Variants in SMTNL2 observed in about 807,000 individuals in gnomAD.
The protein encoded by SMTNL2 is smoothelin-like protein 2.
Under a neutral mutation model 44.1 loss-of-function variants are expected in SMTNL2, and 43 were observed. That is an observed-to-expected ratio of 0.98 (90% CI 0.76 to 1.26). SMTNL2 has a LOEUF of 1.26. Among genes scored for constraint, SMTNL2 ranks in the 50% most tolerant of loss-of-function variants. SMTNL2 has a pLI of 0.00. For synonymous variants in SMTNL2, 317 were observed against 287.6 expected (o/e 1.10, Z -1.03); for missense variants, 646 against 670.2 (o/e 0.96, Z 0.40).
chr17:4,607,726 TGAGA>T lies in SMTNL2; in HGVS notation c.*250_*253del, dbSNP rs60381343. 5 of 492,200 alleles carry T rather than the reference TGAGA, an allele frequency of 1.0e-5. No individual in the cohort carries two copies. Among genetic ancestry groups the T allele is most frequent in the African/African-American group, 3.9e-5 (2 of 51,210 alleles). 30.5% of individuals were successfully genotyped at this position (492,200 alleles called of 1,614,324 possible). A position where few individuals can be genotyped will look rare whatever the true frequency, so the allele number is the denominator to read the frequency against. Reference sequence around the variant, plus strand: ...GGGCTTGGAGGAAAAGGAAAAATTATGAGAGAGAGAGAGACATTGGTGCTAAGTA... The same window carrying T: ...GGGCTTGGAGGAAAAGGAAAAATTATGAGAGAGAGACATTGGTGCTAAGTA... On this transcript the variant is annotated 3_prime_UTR_variant, in exon 8 of 8. Transcript: ENST00000389313. This position sits in a 1 kb window ranked among gnomAD's most constrained non-coding sequence, Gnocchi z 4.7.
At position 4,591,878 on chromosome 17, in the gene SMTNL2, C is replaced by T. The variant is rs548602780; in HGVS notation, c.400-483C>T. Among the ~76,000 whole-genome samples, 6 of 152,334 alleles carry T rather than the reference C, an allele frequency of 3.9e-5. No individual in the cohort carries two copies. The South Asian group carries it at 8.3e-4, about 21-fold the overall frequency. On this transcript the variant is annotated intron_variant, in intron 1 of 7. Transcript: ENST00000389313. ...CATAGCCGGGTAAATCTTGTGTCCC[C>T]GCCTCCCATGCAAAGATCTCATCGT...
chr17:4,585,363 G>T (rs1909305387), intron 1 of SMTNL2, among the ~76,000 whole-genome samples: 1 of 152,240 alleles, frequency 6.6e-6, no homozygotes, highest in Non-Finnish European at 1.5e-5. Context: ...ATGTTGGAAT[G>T]GTCGACACCC....
intron 7 of SMTNL2, among the ~76,000 whole-genome samples, chr17:4,604,683 T>C (rs1407665657): frequency 6.6e-6 from 1 of 151,932 alleles, no homozygotes; most frequent in East Asian, 1.9e-4. Context: ...ATTTTTTTCT[T>C]TTTTTTTGAG....
chr17:4,589,679 A>G (rs1258247012), intron 1 of SMTNL2, among the ~76,000 whole-genome samples: 1 of 151,802 alleles, frequency 6.6e-6, no homozygotes. Context: ...TTCTCACCCT[A>G]TGAATGTGGT....
At position 4,584,884 on chromosome 17, in the gene SMTNL2, G is replaced by A; in HGVS notation, c.279G>A (p.Val93=). 2.3e-6 allele frequency: 3 copies of A among 1,303,816 alleles called. No homozygotes were observed. Among genetic ancestry groups the A allele is most frequent in the Admixed American group, 4.0e-5 (1 of 24,832 alleles). 80.8% of individuals were successfully genotyped at this position (1,303,816 alleles called of 1,614,324 possible). Residue 93 remains valine (V), a synonymous_variant, in exon 1 of 8, where the codon GTG becomes GTA. Transcript: ENST00000389313. The stretch of plus-strand genomic sequence containing the variant: ...GCTTGGCCAGCGGGATGTCCCCGGT[G>A]CCCGGCACTCCCGGCACGCCCAGCC... The part of the protein sequence containing the change: ...ALGLASGMSP[V]PGTPGTPSPP...
chr17:4,589,830 A>G (rs1301058806), intron 1 of SMTNL2, among the ~76,000 whole-genome samples: 1 of 76,332 alleles, frequency 1.3e-5, no homozygotes, highest in Non-Finnish European at 2.5e-5. Context: ...CCCCCGCCCC[A>G]CGCTTCTGAT....
chr17:4,597,920 C>T (rs923130867), intron 7 of SMTNL2, among the ~76,000 whole-genome samples: 1 of 152,118 alleles, frequency 6.6e-6, no homozygotes, highest in African/African-American at 2.4e-5. Flanking sequence ...GGTTTTTGGC[C>T]GAGGGCCTCA....
At chr17:4,601,708 C>T (rs543760624) in intron 7 of SMTNL2, among the ~76,000 whole-genome samples, 11 of 150,754 alleles carry the variant, frequency 7.3e-5, no homozygotes, top group South Asian at 4.2e-4. Flanking sequence ...TTTTTAGAGA[C>T]GGGGTCTAAC....
intron 5 of SMTNL2, among the ~76,000 whole-genome samples, chr17:4,596,116 G>T (rs1909799911): frequency 3.0e-5 from 4 of 132,178 alleles, no homozygotes; most frequent in Admixed American, 1.5e-4. Flanking sequence ...CCCAAGCGTG[G>T]TATTGATGTC....
chr17:4,595,309 A>G lies in SMTNL2; in HGVS notation c.971A>G (p.Gln324Arg). The G allele has an allele frequency of 6.2e-7, 1 of 1,612,692 alleles. No homozygotes were observed. Among genetic ancestry groups the G allele is most frequent in the Non-Finnish European group, 8.5e-7 (1 of 1,179,470 alleles). The change falls in exon 5 of 8, where the codon CAG (glutamine) becomes CGG (arginine). Residue 324 changes from glutamine to arginine, a missense_variant. Physicochemically the swap from Gln to Arg is conservative, Grantham distance 43. Coordinates refer to ENST00000389313, the MANE Select transcript of SMTNL2 (RefSeq NM_001114974.2). This position sits in a 1 kb window ranked among gnomAD's most constrained non-coding sequence, Gnocchi z 5.1. ...AAAGCATTGTTTGAGAAGTGGGAGC[A>G]GGAAACGGCGGCCGGCAAGTACGGA... is the stretch of plus-strand genomic sequence containing the variant. ...ARKALFEKWE[Q>R]ETAAGKGKGE...
At chr17:4,584,501 C>A, upstream of SMTNL2, 1 of 1,178,990 alleles carries the variant, frequency 8.5e-7, no homozygotes, top group Non-Finnish European at 1.1e-6. Flanking sequence ...CCCGGCAGCC[C>A]CTCGAGCGAA....
At chr17:4,589,218 G>C (rs1020887838) in intron 1 of SMTNL2, among the ~76,000 whole-genome samples, 3 of 151,860 alleles carry the variant, frequency 2.0e-5, no homozygotes, top group African/African-American at 7.3e-5. Context: ...CAACGTGCAG[G>C]GACAGGCATC....
chr17:4,601,090 C>T (rs1347775192), intron 7 of SMTNL2, among the ~76,000 whole-genome samples: 2 of 152,192 alleles, frequency 1.3e-5, no homozygotes, highest in Non-Finnish European at 2.9e-5. Flanking sequence ...TGATGCGGGG[C>T]GTAAGCAAAG....
intron 7 of SMTNL2, among the ~76,000 whole-genome samples, chr17:4,606,627 G>A (rs1388466496): frequency 4.0e-5 from 6 of 151,602 alleles, no homozygotes; most frequent in South Asian, 4.2e-4. Context: ...TAGCTGGGCC[G>A]GGCGTGGTGT....
chr17:4,586,549 C>T (rs1355292527), intron 1 of SMTNL2, among the ~76,000 whole-genome samples: 3 of 150,898 alleles, frequency 2.0e-5, no homozygotes, highest in African/African-American at 7.3e-5. Flanking sequence ...AGGGAATTCT[C>T]TCCAGTCGTG....
intron 7 of SMTNL2, among the ~76,000 whole-genome samples, chr17:4,605,943 C>T (rs1910256684): frequency 1.3e-5 from 2 of 152,178 alleles, no homozygotes; most frequent in Admixed American, 1.3e-4. Flanking sequence ...TGCGTCTTGA[C>T]TGTTGACGTT....
chr17:4,584,975 G>T lies in SMTNL2; in HGVS notation c.370G>T (p.Ala124Ser). ...RLGSARFASHATFSLSGRGQS... is the reference protein window; with the variant it reads ...RLGSARFASHSTFSLSGRGQS... ...GGGCAGCGCACGCTTCGCCAGCCAC[G>T]CCACCTTCTCGCTGTCCGGCCGCGG... is the stretch of plus-strand genomic sequence containing the variant. The change falls in exon 1 of 8, where the codon GCC becomes TCC. Residue 124 changes from alanine (A) to serine (S), a missense_variant. Coordinates refer to ENST00000389313, the MANE Select transcript of SMTNL2 (RefSeq NM_001114974.2). 7.3e-7 allele frequency: 1 copy of T among 1,376,570 alleles called. No individual in the cohort carries two copies. The highest frequency in any genetic ancestry group is 1.5e-5 in the African/African-American group (1 of 65,944). The allele number at this position is 1,376,570 out of a possible 1,614,324, so 85.3% of individuals were successfully genotyped here. A position where few individuals can be genotyped will look rare whatever the true frequency, so the allele number is the denominator to read the frequency against.
intron 7 of SMTNL2, among the ~76,000 whole-genome samples, chr17:4,597,775 A>G (rs1000531767): frequency 6.6e-6 from 1 of 152,192 alleles, no homozygotes; most frequent in Non-Finnish European, 1.5e-5. Context: ...TTTGCTTCCA[A>G]TAAGATTTTC....
chr17:4,585,334 G>A (rs1042528290), intron 1 of SMTNL2, among the ~76,000 whole-genome samples: 1 of 152,238 alleles, frequency 6.6e-6, no homozygotes, highest in African/African-American at 2.4e-5. Context: ...GTTCAGCACT[G>A]CCTGGAGCCA....
Sources: gnomAD v4.1 joint callset for allele counts (sites outside exome capture counted in the v4.1 genomes callset) on GRCh38, gnomAD v4.1.1 for gene constraint, Gnocchi (gnomAD v3.1) non-coding constraint, MANE v1.5 for transcripts, NCBI Gene and HGNC (gene_info 2026-07-23, HGNC 2026-07-21) for gene names.